Variants in RNF31 observed in about 807,000 individuals in gnomAD.
RNF31 encodes ring finger protein 31.
Under a neutral mutation model 133.6 loss-of-function variants are expected in RNF31, and 38 were observed. That is an observed-to-expected ratio of 0.28 (90% CI 0.22 to 0.37). The LOEUF (loss-of-function observed/expected upper bound fraction) is 0.37, where lower values mean the gene tolerates loss of function less well. RNF31 is among the 10% of genes least tolerant of loss of function. RNF31 has a pLI of 1.00. For synonymous variants in RNF31, 582 were observed against 552.3 expected, an observed-to-expected ratio of 1.05 and a Z score of -0.75; for missense variants, 1,118 against 1,394.1, an observed-to-expected ratio of 0.80 and a Z score of 3.15.
Position 24,150,673 on chromosome 14 carries a change from C to T in RNF31, c.1273C>T (p.Pro425Ser), listed in dbSNP as rs1256594517. 6.2e-7 allele frequency: 1 copy of T among 1,614,238 alleles called. No homozygotes were observed. The highest frequency in any genetic ancestry group is 2.2e-5 in the East Asian group (1 of 44,884). ...TCACTGTACCTTCTGCAACTCGAGC[C>T]CTGGCTGGGTGTGTGTTATGTGCAA... ...CIHCTFCNSS[P>S]GWVCVMCNRT... The change falls in exon 8 of 21, where the codon CCT (proline) becomes TCT (serine). Residue 425 changes from proline to serine, a missense_variant. This residue lies in a region of RNF31 where 747 missense variants were observed against 827.9 expected (regional missense o/e 0.90). Coordinates refer to ENST00000324103, the MANE Select transcript of RNF31 (RefSeq NM_017999.5).
At chr14:24,153,969 C>A (rs1164668374) in intron 11 of RNF31, among the ~76,000 whole-genome samples, 1 of 152,130 alleles carries the variant, frequency 6.6e-6, no homozygotes, top group Non-Finnish European at 1.5e-5. Context: ...TGCATAGAGT[C>A]CTGTGTACTT....
chr14:24,150,437 C>T lies in RNF31; in HGVS notation c.1186C>T (p.Gln396Ter). Residue 396 changes from glutamine (Q) to a stop codon, truncating the protein, a stop_gained, in exon 7 of 21, where the codon CAA (glutamine) becomes TAA (stop). Coordinates refer to ENST00000324103, the MANE Select transcript of RNF31 (RefSeq NM_017999.5). LOFTEE classifies it high-confidence loss of function. ...VDSRDAGICLQPLQQGDALLA... is the reference protein window; with the variant it reads ...VDSRDAGICL ...TTCCCGAGATGCTGGCATTTGCCTG[C>T]AACCCCTTCAGGTAACTGGCCTTCC... is the stretch of plus-strand genomic sequence containing the variant. 1 of 1,610,010 alleles carries T rather than the reference C, an allele frequency of 6.2e-7. No individual in the cohort carries two copies. Among genetic ancestry groups the T allele is most frequent in the Non-Finnish European group, 8.5e-7 (1 of 1,177,856 alleles).
At position 24,153,701 on chromosome 14, in the gene RNF31, C is replaced by T. The variant is rs561777350; in HGVS notation, c.2131-1456C>T. On this transcript the variant is annotated intron_variant, in intron 11 of 20. Transcript: ENST00000324103. ...GGTGGATCACCTGAGGTCAGGAGTT[C>T]GAGACCAGCCTGACCAACATGGTGA... 1.7e-4 allele frequency among the ~76,000 whole-genome samples: 26 copies of T among 151,820 alleles called. 1 individual carries two copies. The South Asian group carries it at 4.8e-3, about 28-fold the overall frequency.
At chr14:24,159,819 G>A in intron 18 of RNF31, 45 bp from the exon 19 acceptor site, 1 of 1,502,282 alleles carries the variant, frequency 6.7e-7, no homozygotes, top group Non-Finnish European at 9.3e-7. Flanking sequence ...GAGCTTTGTG[G>A]TCATTGGCCT....
rs750856578 is a variant in RNF31, at chr14:24,147,971, C to G, written c.193-5C>G. The G allele has an allele frequency of 6.2e-7, 1 of 1,614,020 alleles. No individual in the cohort carries two copies. On this transcript the variant is annotated splice_region_variant and splice_polypyrimidine_tract_variant and intron_variant, in intron 1 of 20. Transcript: ENST00000324103. Reference sequence around the variant, plus strand: ...CTCACACCTCTCTGCTCTCCTTGCTCCCAGCCCCGAAACTACCTCAACACC... The same window carrying G: ...CTCACACCTCTCTGCTCTCCTTGCTGCCAGCCCCGAAACTACCTCAACACC...
chr14:24,155,010 C>A lies in RNF31; in HGVS notation c.2131-147C>A. On this transcript the variant is annotated intron_variant, in intron 11 of 20. Transcript: ENST00000324103. The surrounding 1 kb of genome is among the most constrained non-coding windows in gnomAD (Gnocchi z 4.9). Reference sequence around the variant, plus strand: ...TGTCTTCAGATGTTTACGTTGCCTGCCTGGCCCCTGCTGGCACTTGAGGTT... The same window carrying A: ...TGTCTTCAGATGTTTACGTTGCCTGACTGGCCCCTGCTGGCACTTGAGGTT... 1 of 709,654 alleles carries A rather than the reference C, an allele frequency of 1.4e-6. No individual in the cohort carries two copies. Among genetic ancestry groups the A allele is most frequent in the Non-Finnish European group, 2.3e-6 (1 of 427,846 alleles). 44.0% of individuals were successfully genotyped at this position (709,654 alleles called of 1,614,324 possible).
rs538262421 is a variant in RNF31, at chr14:24,159,363, A to C, written c.2900-501A>C. ...GTGAAACTCCATCTCAAAAAAAAAA[A>C]AAAAAAAAACCAGAGGTAGCCAATA... is the stretch of plus-strand genomic sequence containing the variant. On this transcript the variant is annotated intron_variant, in intron 18 of 20. Coordinates refer to ENST00000324103, the MANE Select transcript of RNF31 (RefSeq NM_017999.5). Among the ~76,000 whole-genome samples the C allele has an allele frequency of 2.0e-5, 3 of 150,740 alleles. No individual in the cohort carries two copies. The East Asian group carries it at 5.8e-4, about 29-fold the overall frequency.
At chr14:24,149,094 G>A in intron 5 of RNF31, 1 of 609,772 alleles carries the variant, frequency 1.6e-6, no homozygotes, top group East Asian at 2.8e-5. Context: ...CTCCCGAGTA[G>A]CTGGGATTAC....
Position 24,160,383 on chromosome 14 carries a change from T to G in RNF31, c.3141T>G (p.Pro1047=). The change falls in exon 20 of 21, where the codon CCT becomes CCG. Residue 1047 remains proline, a synonymous_variant. Coordinates refer to ENST00000324103, the MANE Select transcript of RNF31 (RefSeq NM_017999.5). The surrounding 1 kb of genome is among the most constrained non-coding windows in gnomAD (Gnocchi z 4.0). ...RPQPLAGEDP[P]AYQARLLQKL... ...AGCCTTTGGCTGGAGAGGATCCCCC[T>G]GCTTACCAGGCCCGCTTGTTACAGG... The G allele has an allele frequency of 6.2e-7, 1 of 1,614,134 alleles. No individual in the cohort carries two copies. The highest frequency in any genetic ancestry group is 8.5e-7 in the Non-Finnish European group (1 of 1,179,972).
chr14:24,147,584 G>T lies in RNF31; in HGVS notation c.-115G>T, dbSNP rs1343773349. ...TCTGAGTGACCTGGGGCGGCTGCGT[G>T]GGCCGGGGTGGGCCTCAAAGCCGGG... is the stretch of plus-strand genomic sequence containing the variant. On this transcript the variant is annotated 5_prime_UTR_variant, in exon 1 of 21. Transcript: ENST00000324103. 7.6e-6 allele frequency: 7 copies of T among 926,324 alleles called. No individual in the cohort carries two copies. Among genetic ancestry groups the T allele is most frequent in the African/African-American group, 1.8e-5 (1 of 56,704 alleles). 57.4% of individuals were successfully genotyped at this position (926,324 alleles called of 1,614,324 possible). A position where few individuals can be genotyped will look rare whatever the true frequency, so the allele number is the denominator to read the frequency against.
At position 24,148,424 on chromosome 14, in the gene RNF31, C is replaced by A. The variant is rs771498759; in HGVS notation, c.495+11C>A. 5.6e-6 allele frequency: 9 copies of A among 1,606,878 alleles called. No individual in the cohort carries two copies. The African/African-American group carries it at 1.2e-4, about 21-fold the overall frequency. On this transcript the variant is annotated intron_variant, in intron 3 of 20. Transcript: ENST00000324103. ...AGCCTGCTATTGCAGGTGAGATGCT[C>A]CTCTAGTCTTGATGGACTTATGCAC...
intron 15 of RNF31, 47 bp from the exon 16 acceptor site, chr14:24,157,473 C>T: frequency 3.1e-6 from 5 of 1,604,192 alleles, no homozygotes; most frequent in Non-Finnish European, 4.3e-6. Flanking sequence ...TCCTGAGGGC[C>T]TTGAGTTGCA....
At chr14:24,152,100 A>T (rs1156537223) in intron 11 of RNF31, 108 bp downstream of exon 11, 2 of 1,148,760 alleles carry the variant, frequency 1.7e-6, no homozygotes, top group Non-Finnish European at 2.4e-6. Flanking sequence ...TCAGTTGCCC[A>T]TATACCCCTG....
rs2139073871 is a variant in RNF31 at position 24,147,620 on chromosome 14, G to A, written c.-79G>A. 1.5e-6 allele frequency: 2 copies of A among 1,292,190 alleles called. No individual in the cohort carries two copies. Among genetic ancestry groups the A allele is most frequent in the East Asian group, 6.1e-5 (2 of 33,002 alleles). 80.0% of individuals were successfully genotyped at this position (1,292,190 alleles called of 1,614,324 possible). On this transcript the variant is annotated 5_prime_UTR_variant, in exon 1 of 21. Coordinates refer to ENST00000324103, the MANE Select transcript of RNF31 (RefSeq NM_017999.5). Reference sequence around the variant, plus strand: ...GGCCTCAAAGCCGGGCACCAGACGGGAGGGGCGGCGCTCGGGCCGCGCGCT... The same window carrying A: ...GGCCTCAAAGCCGGGCACCAGACGGAAGGGGCGGCGCTCGGGCCGCGCGCT...
At position 24,151,643 on chromosome 14, in the gene RNF31, C is replaced by A. The variant is rs911223059; in HGVS notation, c.1896C>A (p.Thr632=). 3 of 1,612,086 alleles carry A rather than the reference C, an allele frequency of 1.9e-6. No individual in the cohort carries two copies. The highest frequency in any genetic ancestry group is 2.5e-6 in the Non-Finnish European group (3 of 1,180,008). Residue 632 remains threonine (T), a synonymous_variant, in exon 10 of 21, where the codon ACC becomes ACA. Coordinates refer to ENST00000324103, the MANE Select transcript of RNF31 (RefSeq NM_017999.5). The surrounding 1 kb of genome is among the most constrained non-coding windows in gnomAD (Gnocchi z 5.3). ...TCTGGGACAGTGGCCCTGAGCCCACCCCTTCCTGGGATGGGCCAGACAAGC... is the reference window on the plus strand; with the variant it reads ...TCTGGGACAGTGGCCCTGAGCCCACACCTTCCTGGGATGGGCCAGACAAGC... ...QRLWDSGPEP[T]PSWDGPDKQS...
chr14:24,149,316 A>C (rs901508605), intron 5 of RNF31, 90 bp from the exon 6 acceptor site: 15 of 1,322,444 alleles, frequency 1.1e-5, no homozygotes, highest in Non-Finnish European at 1.4e-5. Flanking sequence ...GATGTTTAAA[A>C]AGTAGTCTTG....
At chr14:24,153,784 A>G (rs1013098043) in intron 11 of RNF31, among the ~76,000 whole-genome samples, 5 of 151,466 alleles carry the variant, frequency 3.3e-5, no homozygotes, top group African/African-American at 1.2e-4. Context: ...GGTGCCTGTA[A>G]TCCCAGCTAC....
chr14:24,151,428 A>C lies in RNF31; in HGVS notation c.1737+49A>C, dbSNP rs774122259. The C allele has an allele frequency of 6.2e-7, 1 of 1,613,202 alleles. No homozygotes were observed. Among genetic ancestry groups the C allele is most frequent in the South Asian group, 1.1e-5 (1 of 91,074 alleles). On this transcript the variant is annotated intron_variant, in intron 9 of 20. Coordinates refer to ENST00000324103, the MANE Select transcript of RNF31 (RefSeq NM_017999.5). The surrounding 1 kb of genome is among the most constrained non-coding windows in gnomAD (Gnocchi z 5.3). ...ATAGGGTCGAGAGTCTGCATCTCTC[A>C]CACTCTCCCTTGCTTGCTTTCCCAC...
rs561256016 is a variant in RNF31, at chr14:24,150,943, C to T, written c.1488+55C>T. The stretch of plus-strand genomic sequence containing the variant: ...CTGAGCTGGTCTGGGAAAGGAGATG[C>T]TGCAGGTGGTTAATAGTTTCTATGA... On this transcript the variant is annotated intron_variant, in intron 8 of 20. Coordinates refer to ENST00000324103, the MANE Select transcript of RNF31 (RefSeq NM_017999.5). The T allele has an allele frequency of 1.2e-5, 18 of 1,525,264 alleles. No homozygotes were observed. The East Asian group carries it at 4.1e-4, about 35-fold the overall frequency. 94.5% of individuals were successfully genotyped at this position (1,525,264 alleles called of 1,614,324 possible).
Sources: gnomAD v4.1 joint callset for allele counts (sites outside exome capture counted in the v4.1 genomes callset) on GRCh38, gnomAD v4.1.1 for gene constraint, gnomAD v4.1.1 regional missense constraint, Gnocchi (gnomAD v3.1) non-coding constraint, MANE v1.5 for transcripts, NCBI Gene and HGNC (gene_info 2026-07-23, HGNC 2026-07-21) for gene names.